Variants in COMMD6 observed in about 807,000 individuals in gnomAD.
COMMD6 encodes the protein COMM domain containing 6.
COMMD6 carries 11 observed loss-of-function variants against 13.4 expected under a neutral mutation model. That is an observed-to-expected ratio of 0.82 (90% confidence interval 0.52 to 1.36). The LOEUF is 1.36. Ranked by LOEUF, COMMD6 falls within the 40% of genes most tolerant of loss-of-function variation. The probability of loss-of-function intolerance (pLI) is 0.00; values close to 1 mark genes in which losing one functional copy is unlikely to be tolerated. For missense variants in COMMD6, 124 were observed against 102.4 expected, an observed-to-expected ratio of 1.21 and a Z score of -0.91; for synonymous variants, 43 against 36.5, an observed-to-expected ratio of 1.18 and a Z score of -0.64.
intron 1 of COMMD6, among the ~76,000 whole-genome samples, chr13:75,544,937 A>AAAAAAAC (rs2030883394): frequency 6.6e-6 from 1 of 150,904 alleles, no homozygotes; most frequent in Non-Finnish European, 1.5e-5. Flanking sequence ...AAAAAAAAAA[A>AAAAAAAC]AAAAACAAAA....
At chr13:75,531,904 T>C (rs2030492787) in intron 2 of COMMD6, among the ~76,000 whole-genome samples, 1 of 152,210 alleles carries the variant, frequency 6.6e-6, no homozygotes, top group Admixed American at 6.5e-5. Context: ...TATATGAAAA[T>C]GTCCCCAGCA....
At position 75,525,649 on chromosome 13, in the gene COMMD6, G is replaced by T. The variant is rs1480762370; in HGVS notation, c.*940C>A. The T allele has an allele frequency of 1.3e-5, 2 of 152,314 alleles. No individual in the cohort carries two copies. The highest frequency in any genetic ancestry group is 2.9e-5 in the Non-Finnish European group (2 of 68,102). 9.4% of individuals were successfully genotyped at this position (152,314 alleles called of 1,614,324 possible). A position where few individuals can be genotyped will look rare whatever the true frequency, so the allele number is the denominator to read the frequency against. On this transcript the variant is annotated 3_prime_UTR_variant, in exon 4 of 4. Transcript: ENST00000682242. ...CACAGGTGGGCTGCGGCAGGCAGCA[G>T]TCCTGGGCTCCTCACAGCTGTGTGC...
At chr13:75,547,645 G>C (rs1483743546) in intron 1 of COMMD6, among the ~76,000 whole-genome samples, 3 of 152,198 alleles carry the variant, frequency 2.0e-5, no homozygotes, top group African/African-American at 7.2e-5. Flanking sequence ...ATCCATACCA[G>C]ACGGTGTAGG....
In COMMD6 at chr13:75,526,435, G is replaced by A; in HGVS notation, c.*154C>T. The A allele has an allele frequency of 1.7e-6, 1 of 594,278 alleles. No individual in the cohort carries two copies. Among genetic ancestry groups the A allele is most frequent in the South Asian group, 2.3e-5 (1 of 43,846 alleles). 36.8% of individuals were successfully genotyped at this position (594,278 alleles called of 1,614,324 possible). ...GTTTTGCATTCATCACCACTACCCA[G>A]TTCCTGTTTGTCTGATTTTTATTAT... On this transcript the variant is annotated 3_prime_UTR_variant, in exon 4 of 4. Coordinates refer to ENST00000682242, the MANE Select transcript of COMMD6 (RefSeq NM_203495.4).
upstream of COMMD6, among the ~76,000 whole-genome samples, chr13:75,539,713 A>G (rs1003896414): frequency 6.6e-6 from 1 of 152,204 alleles, no homozygotes; most frequent in Non-Finnish European, 1.5e-5. Context: ...GGAGAATTAC[A>G]TTAGTTAATG....
chr13:75,538,018 C>T (rs1178653322), upstream of COMMD6: 2 of 470,042 alleles, frequency 4.3e-6, no homozygotes, highest in Non-Finnish European at 7.5e-6. Flanking sequence ...TGGAAAAAGG[C>T]CAAAGATTTG....
At chr13:75,537,882 CT>C, upstream of COMMD6, 1 of 1,470,174 alleles carries the variant, frequency 6.8e-7, no homozygotes, top group Non-Finnish European at 9.1e-7. Flanking sequence ...CGTCCTGCCC[CT>C]AGCGGCCTGG....
intron 3 of COMMD6, among the ~76,000 whole-genome samples, chr13:75,528,296 T>C (rs2030341889): frequency 6.6e-6 from 1 of 151,966 alleles, no homozygotes. Flanking sequence ...CACAGAATAA[T>C]AACAATTAGG....
chr13:75,526,013 C>A lies in COMMD6; in HGVS notation c.*576G>T, dbSNP rs972051753. ...TCTGCGTATGTATTTGAACTTTCTA[C>A]AACCATTAATAACAGAAATAATTGA... On this transcript the variant is annotated 3_prime_UTR_variant, in exon 4 of 4. Coordinates refer to ENST00000682242, the MANE Select transcript of COMMD6 (RefSeq NM_203495.4). 1 of 152,196 alleles carries A rather than the reference C, an allele frequency of 6.6e-6. No individual in the cohort carries two copies. The highest frequency in any genetic ancestry group is 1.5e-5 in the Non-Finnish European group (1 of 68,040). The allele number at this position is 152,196 out of a possible 1,614,324, so 9.4% of individuals were successfully genotyped here.
intron 2 of COMMD6, among the ~76,000 whole-genome samples, chr13:75,537,223 C>T (rs1288700861): frequency 6.6e-6 from 1 of 152,214 alleles, no homozygotes; most frequent in Non-Finnish European, 1.5e-5. Flanking sequence ...CTAAGATATA[C>T]TTTAAAAGTC....
At chr13:75,531,191 C>A (rs189850618) in intron 2 of COMMD6, among the ~76,000 whole-genome samples, 121 of 152,240 alleles carry the variant, frequency 7.9e-4, no homozygotes, top group African/African-American at 2.8e-3. Flanking sequence ...TAAATCCCAC[C>A]ACGTATCCTA....
intron 2 of COMMD6, among the ~76,000 whole-genome samples, chr13:75,533,611 T>C (rs1593957360): frequency 6.6e-6 from 1 of 150,472 alleles, no homozygotes; most frequent in East Asian, 2.0e-4. Context: ...GATATTCTTC[T>C]GGTGGCAGCA....
intron 2 of COMMD6, among the ~76,000 whole-genome samples, chr13:75,535,517 G>T (rs1347504475): frequency 6.6e-6 from 1 of 152,218 alleles, no homozygotes; most frequent in Non-Finnish European, 1.5e-5. Context: ...TGAATTTAGA[G>T]TGAGAGAAAA....
At chr13:75,533,536 TCCAG>T (rs2138418447) in intron 2 of COMMD6, among the ~76,000 whole-genome samples, 1 of 139,414 alleles carries the variant, frequency 7.2e-6, no homozygotes, top group East Asian at 2.1e-4. Context: ...GCCACTGCAC[TCCAG>T]CCTGGGCAAC....
upstream of COMMD6, among the ~76,000 whole-genome samples, chr13:75,540,339 CACACCCA>C (rs1566201701): frequency 1.5e-3 from 159 of 103,746 alleles, no homozygotes; most frequent in African/African-American, 6.3e-3. Context: ...CACACACACA[CACACCCA>C]CACACACACA....
chr13:75,540,758 T>C (rs2030815443), upstream of COMMD6, among the ~76,000 whole-genome samples: 1 of 152,206 alleles, frequency 6.6e-6, no homozygotes, highest in Non-Finnish European at 1.5e-5. Context: ...TAATGACATA[T>C]AAGTAGAACA....
At chr13:75,540,052 C>T (rs940192638), upstream of COMMD6, among the ~76,000 whole-genome samples, 22 of 149,872 alleles carry the variant, frequency 1.5e-4, no homozygotes, top group Admixed American at 1.3e-4. Flanking sequence ...CTCACTGCAA[C>T]CTCCAACTCC....
At chr13:75,538,278 C>A (rs1212063506), upstream of COMMD6, among the ~76,000 whole-genome samples, 1 of 152,214 alleles carries the variant, frequency 6.6e-6, no homozygotes, top group Non-Finnish European at 1.5e-5. Context: ...TAGCTGTGGG[C>A]GGGGCATGCT....
In COMMD6 at chr13:75,525,697, A is replaced by C. The variant is rs999071256; in HGVS notation, c.*892T>G. On this transcript the variant is annotated 3_prime_UTR_variant, in exon 4 of 4. Transcript: ENST00000682242. ...TGCTACCTAGCAGGGAACAAAAAAG[A>C]AAGTGGACTCACACAGACCTGCAGA... 6.6e-6 allele frequency: 1 copy of C among 152,268 alleles called. No homozygotes were observed. Among genetic ancestry groups the C allele is most frequent in the African/African-American group, 2.4e-5 (1 of 41,470 alleles). The allele number at this position is 152,268 out of a possible 1,614,324, so 9.4% of individuals were successfully genotyped here. A position where few individuals can be genotyped will look rare whatever the true frequency, so the allele number is the denominator to read the frequency against.
Sources: allele counts gnomAD v4.1 joint callset (sites outside exome capture counted in the v4.1 genomes callset), GRCh38; gene constraint gnomAD v4.1.1; transcripts MANE v1.5; gene names NCBI Gene and HGNC (gene_info 2026-07-23, HGNC 2026-07-21).